EYS: variants seen among roughly 807,000 people sequenced by gnomAD.
EYS encodes the protein protein eyes shut homolog.
Under a neutral mutation model 282.1 loss-of-function variants are expected in EYS, and 250 were observed. The observed-to-expected ratio is 0.89, with a 90% CI of 0.80 to 0.98. The LOEUF (loss-of-function observed/expected upper bound fraction) is 0.98. EYS is among the 50% of genes least tolerant of loss of function. The pLI, the probability that EYS is intolerant of heterozygous loss-of-function variation, is 0.00. For missense variants in EYS, 4,016 were observed against 3,709.0 expected (o/e 1.08, Z -2.15); for synonymous variants, 1,355 against 1,282.9 (o/e 1.06, Z -1.20).
intron 26 of EYS, among the ~76,000 whole-genome samples, chr6:64,508,846 A>C (rs1392715248): frequency 1.3e-5 from 2 of 151,890 alleles, no homozygotes; most frequent in African/African-American, 4.8e-5. Context: ...CTGATCTTCG[A>C]AGAAAGGGAG....
At chr6:64,857,607 T>A (rs1766105250) in intron 19 of EYS, among the ~76,000 whole-genome samples, 1 of 152,192 alleles carries the variant, frequency 6.6e-6, no homozygotes, top group Admixed American at 6.5e-5. Flanking sequence ...ATTTCCATTC[T>A]TTCGGATATG....
At chr6:65,030,665 C>T (rs1166373951) in intron 13 of EYS, among the ~76,000 whole-genome samples, 1 of 152,200 alleles carries the variant, frequency 6.6e-6, no homozygotes, top group African/African-American at 2.4e-5. Flanking sequence ...TCCTCCAACA[C>T]AGCAGGTGCT....
intron 33 of EYS, among the ~76,000 whole-genome samples, chr6:64,031,270 C>A (rs183939849): frequency 6.6e-6 from 1 of 152,312 alleles, no homozygotes; most frequent in Non-Finnish European, 1.5e-5. Context: ...CCGGCACCAC[C>A]GGCCCTGGGC....
intron 40 of EYS, 133 bp from the exon 41 acceptor site, chr6:63,762,766 C>T (rs1026119760): frequency 6.7e-5 from 56 of 842,068 alleles, no homozygotes; most frequent in Non-Finnish European, 8.5e-5. Context: ...GATTCAAACC[C>T]TAAATTGTCA....
rs559420406 is a variant in EYS, at chr6:64,680,459, T to C, written c.3444-54214A>G. On this transcript the variant is annotated intron_variant, in intron 22 of 42. Coordinates refer to ENST00000503581, the MANE Select transcript of EYS (RefSeq NM_001142800.2). The stretch of plus-strand genomic sequence containing the variant: ...CAACCCATTAACCACAACTTCCAGC[T>C]GACTGTGTTGGAATCTCTACTTTCA... Among the ~76,000 whole-genome samples the C allele has an allele frequency of 2.0e-5, 3 of 152,344 alleles. No homozygotes were observed. In the South Asian group the frequency reaches 6.2e-4, roughly 32 times the overall value.
chr6:65,273,554 C>G (rs1767961325), intron 12 of EYS, among the ~76,000 whole-genome samples: 1 of 152,092 alleles, frequency 6.6e-6, no homozygotes, highest in Non-Finnish European at 1.5e-5. Context: ...CCAGACACCC[C>G]CAATCCAGAG....
intron 30 of EYS, among the ~76,000 whole-genome samples, chr6:64,253,835 C>A (rs999190968): frequency 2.6e-5 from 4 of 152,064 alleles, no homozygotes; most frequent in Admixed American, 6.6e-5. Flanking sequence ...TTTCTTCCCC[C>A]CAAAAGACTG....
chr6:65,545,589 T>C (rs1041953961), intron 2 of EYS, among the ~76,000 whole-genome samples: 3 of 152,168 alleles, frequency 2.0e-5, no homozygotes, highest in Admixed American at 2.0e-4. Context: ...AATTACAACT[T>C]GCTGTTTTAA....
chr6:64,556,373 G>A lies in EYS; in HGVS notation c.5644+33850C>T, dbSNP rs139187993. On this transcript the variant is annotated intron_variant, in intron 26 of 42. Coordinates refer to ENST00000503581, the MANE Select transcript of EYS (RefSeq NM_001142800.2). ...GCAATGTGGTAAGTGAAGGAAGCTA[G>A]ACACAGAGGGTCTGTGGTGTATCGT... Among the ~76,000 whole-genome samples the A allele has an allele frequency of 1.7e-4, 26 of 152,076 alleles. No individual in the cohort carries two copies. In the East Asian group the frequency reaches 4.4e-3, roughly 26 times the overall value.
chr6:65,230,263 A>T (rs1228334108), intron 12 of EYS, among the ~76,000 whole-genome samples: 1 of 151,898 alleles, frequency 6.6e-6, no homozygotes, highest in African/African-American at 2.4e-5. Context: ...CCTAGATTAC[A>T]CTGTGTTTTG....
chr6:63,831,673 C>T (rs2149691619), intron 36 of EYS, among the ~76,000 whole-genome samples: 1 of 152,262 alleles, frequency 6.6e-6, no homozygotes, highest in African/African-American at 2.4e-5. Context: ...AGAAAGTTAA[C>T]AAGGATATCC....
At chr6:63,966,470 C>A (rs1053093461) in intron 35 of EYS, among the ~76,000 whole-genome samples, 1 of 152,084 alleles carries the variant, frequency 6.6e-6, no homozygotes, top group African/African-American at 2.4e-5. Flanking sequence ...AGAGCTTACT[C>A]ATGTGACCAA....
At chr6:64,246,883 A>C (rs1301887881) in intron 30 of EYS, among the ~76,000 whole-genome samples, 1 of 152,150 alleles carries the variant, frequency 6.6e-6, no homozygotes, top group Non-Finnish European at 1.5e-5. Flanking sequence ...TTTTGAGGGA[A>C]TGCAGGAAAT....
intron 31 of EYS, among the ~76,000 whole-genome samples, chr6:64,106,282 T>G (rs999866754): frequency 2.6e-5 from 4 of 152,114 alleles, no homozygotes; most frequent in Non-Finnish European, 4.4e-5. Flanking sequence ...AATTTAGAAC[T>G]AATTTAAGTA....
At chr6:64,813,599 C>A in intron 21 of EYS, 22 bp from the exon 22 acceptor site, 5 of 1,463,428 alleles carry the variant, frequency 3.4e-6, no homozygotes, top group South Asian at 1.3e-5. Context: ...AATAGAGAAT[C>A]AAATTTGATT....
intron 39 of EYS, among the ~76,000 whole-genome samples, chr6:63,780,975 A>G (rs1341420340): frequency 6.6e-6 from 1 of 152,244 alleles, no homozygotes; most frequent in African/African-American, 2.4e-5. Context: ...ATGACTAGCC[A>G]GTTTTCCCAG....
At chr6:64,462,827 T>C (rs1775790648) in intron 26 of EYS, among the ~76,000 whole-genome samples, 1 of 152,170 alleles carries the variant, frequency 6.6e-6, no homozygotes, top group African/African-American at 2.4e-5. Flanking sequence ...TATTTCATTA[T>C]CTTTAACTGG....
At chr6:63,927,882 C>G (rs1364045379) in intron 35 of EYS, among the ~76,000 whole-genome samples, 3 of 152,208 alleles carry the variant, frequency 2.0e-5, no homozygotes, top group African/African-American at 7.2e-5. Flanking sequence ...GAGGTCACCT[C>G]CATCCCTGAA....
At chr6:65,460,269 G>A (rs9354250) in intron 5 of EYS, among the ~76,000 whole-genome samples, 28,114 of 150,758 alleles carry the variant, frequency 0.19, 3,242 homozygotes, top group Middle Eastern at 0.3. Flanking sequence ...CACAAAGTAA[G>A]AAATAGGCAA....
Sources: allele counts gnomAD v4.1 joint callset (sites outside exome capture counted in the v4.1 genomes callset), GRCh38; gene constraint gnomAD v4.1.1; transcripts MANE v1.5; gene names NCBI Gene and HGNC (gene_info 2026-07-23, HGNC 2026-07-21).